Variants in LIMCH1 observed in about 807,000 individuals in gnomAD.
LIMCH1 encodes LIM and calponin homology domains 1.
Under a neutral mutation model 176.5 loss-of-function variants are expected in LIMCH1, and 113 were observed. That is an observed-to-expected ratio of 0.64 (90% CI 0.55 to 0.75). The LOEUF (loss-of-function observed/expected upper bound fraction) is 0.75. Ranked by LOEUF, LIMCH1 falls within the 30% of genes least tolerant of loss-of-function variation. The pLI, the probability that LIMCH1 is intolerant of heterozygous loss-of-function variation, is 0.00. For synonymous variants in LIMCH1, 619 were observed against 645.9 expected (o/e 0.96, Z 0.63); for missense variants, 1,674 against 1,814.9 (o/e 0.92, Z 1.41).
chr4:41,629,870 TGA>T (rs1239601126), intron 9 of LIMCH1, 136 bp downstream of exon 9: 2 of 1,033,448 alleles, frequency 1.9e-6, no homozygotes, highest in East Asian at 5.3e-5. Context: ...TATAGTGGCT[TGA>T]TCACAGTTCA....
Position 41,640,415 on chromosome 4 carries a change from C to G in LIMCH1, c.2126+1448C>G, listed in dbSNP as rs150342588. ...GAAAGGAAGGGAAATTAAAGAGTTT[C>G]TGAATTTTGCCTTCACCTGAACACA... On this transcript the variant is annotated intron_variant, in intron 14 of 31. Transcript: ENST00000503057. 2.0e-5 allele frequency among the ~76,000 whole-genome samples: 3 copies of G among 152,318 alleles called. No homozygotes were observed. The East Asian group carries it at 5.8e-4, about 29-fold the overall frequency.
chr4:41,691,912 C>T (rs1043266295), intron 30 of LIMCH1, among the ~76,000 whole-genome samples: 1 of 152,126 alleles, frequency 6.6e-6, no homozygotes, highest in African/African-American at 2.4e-5. Flanking sequence ...TTTAAAGCCA[C>T]TAGGGTTTAA....
chr4:41,481,044 G>C (rs978497811), intron 1 of LIMCH1, among the ~76,000 whole-genome samples: 5 of 150,518 alleles, frequency 3.3e-5, no homozygotes, highest in Non-Finnish European at 7.4e-5. Flanking sequence ...TGTAGACTCT[G>C]TCAGTCTGTG....
At chr4:41,496,366 C>T (rs999219241) in intron 2 of LIMCH1, among the ~76,000 whole-genome samples, 2 of 152,142 alleles carry the variant, frequency 1.3e-5, no homozygotes, top group African/African-American at 2.4e-5. Context: ...ATCAAGCTCT[C>T]GTTTCCCCAG....
intron 1 of LIMCH1, among the ~76,000 whole-genome samples, chr4:41,405,513 C>T (rs1216474141): frequency 6.6e-6 from 1 of 152,060 alleles, no homozygotes; most frequent in African/African-American, 2.4e-5. Flanking sequence ...TTGTGTATTT[C>T]CATTGCATAG....
chr4:41,569,464 A>G (rs2083227820), intron 1 of LIMCH1, among the ~76,000 whole-genome samples: 1 of 152,196 alleles, frequency 6.6e-6, no homozygotes, highest in Non-Finnish European at 1.5e-5. Flanking sequence ...CCCATGAGCA[A>G]GAGGGCAGAA....
At position 41,439,617 on chromosome 4, in the gene LIMCH1, A is replaced by C. The variant is rs191465452; in HGVS notation, c.97-54919A>C. 7.4e-4 allele frequency among the ~76,000 whole-genome samples: 113 copies of C among 152,162 alleles called. 1 individual carries two copies. The highest frequency in any genetic ancestry group is 4.4e-5 in the Non-Finnish European group (3 of 68,004). On this transcript the variant is annotated intron_variant, in intron 1 of 26. Transcript: ENST00000313860. ...AAAAAGAATTAAAAAATTTCTTAAA[A>C]AAGTGGGCTGGGTGCAGTGTGTCAC...
At chr4:41,640,728 C>A (rs2093784735) in intron 14 of LIMCH1, among the ~76,000 whole-genome samples, 1 of 152,074 alleles carries the variant, frequency 6.6e-6, no homozygotes. Context: ...TTAATATCTC[C>A]TTTTTCCAAA....
rs537638728 is a variant in LIMCH1, at chr4:41,439,126, C to T, written c.97-55410C>T. On this transcript the variant is annotated intron_variant, in intron 1 of 26. Coordinates refer to the LIMCH1 transcript ENST00000313860. ...GTGCAGATGGTGTGGTTTTCTTATTCTCTCCAGGACAAACTTGAATTCCAG... is the reference window on the plus strand; with the variant it reads ...GTGCAGATGGTGTGGTTTTCTTATTTTCTCCAGGACAAACTTGAATTCCAG... Among the ~76,000 whole-genome samples the T allele has an allele frequency of 6.6e-5, 10 of 152,298 alleles. No homozygotes were observed. In the East Asian group the frequency reaches 1.9e-3, roughly 29 times the overall value.
intron 1 of LIMCH1, among the ~76,000 whole-genome samples, chr4:41,596,321 T>C (rs1167916283): frequency 6.6e-6 from 1 of 151,200 alleles, no homozygotes; most frequent in Non-Finnish European, 1.5e-5. Flanking sequence ...AAAATTTTGC[T>C]GTCTCTGGAA....
chr4:41,594,609 C>G (rs1361639490), intron 1 of LIMCH1, among the ~76,000 whole-genome samples: 1 of 152,206 alleles, frequency 6.6e-6, no homozygotes, highest in African/African-American at 2.4e-5. Context: ...TTCCTTCTGG[C>G]TTTTCTTCTG....
chr4:41,419,673 CTTCCTTCCTCCTTCCTTCCT>C (rs2060393546), intron 1 of LIMCH1, among the ~76,000 whole-genome samples: 3 of 76,386 alleles, frequency 3.9e-5, no homozygotes, highest in Admixed American at 1.6e-4. Context: ...TCCTTCCTTC[CTTCCTTCCTCCTTCCTTCCT>C]TCCTTCCTTC....
At chr4:41,487,577 G>A (rs902600091) in intron 1 of LIMCH1, among the ~76,000 whole-genome samples, 1 of 151,586 alleles carries the variant, frequency 6.6e-6, no homozygotes, top group Non-Finnish European at 1.5e-5. Flanking sequence ...CAGTGGCTAT[G>A]CATTACATAC....
intron 1 of LIMCH1, among the ~76,000 whole-genome samples, chr4:41,427,239 C>T (rs80280800): frequency 0.014 from 2,120 of 152,280 alleles, 131 homozygotes; most frequent in Admixed American, 0.1. Flanking sequence ...TTCCCTCTCT[C>T]CACTCTGAAC....
intron 1 of LIMCH1, among the ~76,000 whole-genome samples, chr4:41,547,776 A>G (rs1272970449): frequency 6.9e-6 from 1 of 144,878 alleles, no homozygotes; most frequent in Non-Finnish European, 1.5e-5. Context: ...ATAAACATAC[A>G]TATAATATAC....
chr4:41,605,887 T>A lies in LIMCH1; in HGVS notation c.-102-7T>A. On this transcript the variant is annotated splice_polypyrimidine_tract_variant and splice_region_variant and intron_variant, in intron 3 of 31. Coordinates refer to ENST00000503057, the MANE Select transcript of LIMCH1 (RefSeq NM_001330672.2). ...AAAAATCTGCTCTTGTGCGTTTTGT[T>A]CCACAGGTATTAGTTACCATTTACT... is the stretch of plus-strand genomic sequence containing the variant. The A allele has an allele frequency of 6.3e-7, 1 of 1,595,282 alleles. No homozygotes were observed. Among genetic ancestry groups the A allele is most frequent in the Non-Finnish European group, 8.6e-7 (1 of 1,163,292 alleles).
rs913847623 is a variant in LIMCH1 at position 41,530,633 on chromosome 4, C to G, written c.237+6155C>G. On this transcript the variant is annotated intron_variant, in intron 3 of 26. Coordinates refer to the LIMCH1 transcript ENST00000313860. ...ATTAGCCTGGCCAACATGGTGAAAC[C>G]CTGTCTCTACTAAAAGTACAAAAAT... is the stretch of plus-strand genomic sequence containing the variant. Among the ~76,000 whole-genome samples, 18 of 151,564 alleles carry G rather than the reference C, an allele frequency of 1.2e-4. No individual in the cohort carries two copies. The East Asian group carries it at 3.3e-3, about 28-fold the overall frequency.
chr4:41,390,736 C>T (rs1255963846), intron 1 of LIMCH1, among the ~76,000 whole-genome samples: 3 of 152,130 alleles, frequency 2.0e-5, no homozygotes, highest in African/African-American at 4.8e-5. Flanking sequence ...CTTAACATCT[C>T]TAAACTTTGG....
chr4:41,391,514 A>T (rs1207670341), intron 1 of LIMCH1, among the ~76,000 whole-genome samples: 1 of 152,200 alleles, frequency 6.6e-6, no homozygotes, highest in Non-Finnish European at 1.5e-5. Flanking sequence ...GGGAAAAATA[A>T]TAACTTTACA....
Sources: gnomAD v4.1 joint callset for allele counts (sites outside exome capture counted in the v4.1 genomes callset) on GRCh38, gnomAD v4.1.1 for gene constraint, MANE v1.5 for transcripts, NCBI Gene and HGNC (gene_info 2026-07-23, HGNC 2026-07-21) for gene names.